Variants in PHF24 observed in about 807,000 individuals in gnomAD.
PHF24 encodes Galpha inhibitory interacting protein.
Under a neutral mutation model 42.6 loss-of-function variants are expected in PHF24, and 25 were observed. That is an observed-to-expected ratio of 0.59 (90% CI 0.43 to 0.82). PHF24 has a LOEUF of 0.82. Among genes scored for constraint, PHF24 ranks in the 40% least tolerant of loss-of-function variants. The pLI is 0.00. For missense variants in PHF24, 470 were observed against 538.1 expected, an observed-to-expected ratio of 0.87 and a Z score of 1.25; for synonymous variants, 185 against 204.8, an observed-to-expected ratio of 0.90 and a Z score of 0.83.
At chr9:34,682,482 T>C in the PHF24 span, among the ~76,000 whole-genome samples, 5 of 152,166 alleles carry the variant, frequency 3.3e-5, no homozygotes, top group Non-Finnish European at 7.3e-5. Context: ...GGTGATATTA[T>C]GTTAGGTGAT....
chr9:34,856,137 C>G, the PHF24 span, among the ~76,000 whole-genome samples: 1 of 152,106 alleles, frequency 6.6e-6, no homozygotes, highest in East Asian at 1.9e-4. Flanking sequence ...AGCTATGTTT[C>G]TCTCTAAGCT....
At chr9:34,821,891 A>G in the PHF24 span, among the ~76,000 whole-genome samples, 1 of 152,210 alleles carries the variant, frequency 6.6e-6, no homozygotes, top group Non-Finnish European at 1.5e-5. Context: ...CTCATACTCA[A>G]TAAGGCCAAA....
At chr9:34,923,065 T>TTA in the PHF24 span, 19 of 434,130 alleles carry the variant, frequency 4.4e-5, no homozygotes, top group African/African-American at 3.1e-4. Flanking sequence ...TTTTTTTTTT[T>TTA]AATCATGAAG....
the PHF24 span, among the ~76,000 whole-genome samples, chr9:34,864,302 A>T: frequency 6.6e-6 from 1 of 152,192 alleles, no homozygotes; most frequent in Non-Finnish European, 1.5e-5. Flanking sequence ...CAAGAAGGTT[A>T]TAGAACACCA....
chr9:34,973,206 T>G (rs1025832695), intron 3 of PHF24, among the ~76,000 whole-genome samples: 7 of 152,150 alleles, frequency 4.6e-5, no homozygotes, highest in African/African-American at 1.7e-4. Flanking sequence ...TCTCTAATAG[T>G]CTATAGTTGT....
chr9:34,885,186 A>G, the PHF24 span, among the ~76,000 whole-genome samples: 3 of 152,214 alleles, frequency 2.0e-5, no homozygotes. Flanking sequence ...TTGGCTCAGT[A>G]GGCCTAGACC....
the PHF24 span, among the ~76,000 whole-genome samples, chr9:34,698,351 A>G: frequency 6.6e-6 from 1 of 152,194 alleles, no homozygotes; most frequent in Non-Finnish European, 1.5e-5. Context: ...AAAAATAGTC[A>G]TCTAGGGCAT....
the PHF24 span, among the ~76,000 whole-genome samples, chr9:34,791,582 T>A: frequency 6.9e-6 from 1 of 143,982 alleles, no homozygotes; most frequent in Non-Finnish European, 1.5e-5. Context: ...AATATAGATT[T>A]AAAAAAAAAA....
the PHF24 span, among the ~76,000 whole-genome samples, chr9:34,789,678 G>T: frequency 1.3e-5 from 2 of 152,288 alleles, no homozygotes; most frequent in South Asian, 4.1e-4. Flanking sequence ...GGTTTCTTAT[G>T]TGTGAAGTAA....
chr9:34,937,038 C>CACCGCCGGGCCAGCCG, the PHF24 span, among the ~76,000 whole-genome samples: 1 of 147,942 alleles, frequency 6.8e-6, no homozygotes, highest in Non-Finnish European at 1.5e-5. Context: ...GGGTCAGCCC[C>CACCGCCGGGCCAGCCG]CCCCCCGGGC....
chr9:34,693,240 T>C, the PHF24 span, among the ~76,000 whole-genome samples: 5 of 152,210 alleles, frequency 3.3e-5, no homozygotes, highest in Admixed American at 2.0e-4. Context: ...TTCACGGCCC[T>C]GCTCTGCTCC....
chr9:34,735,158 C>T, the PHF24 span, among the ~76,000 whole-genome samples: 4 of 117,912 alleles, frequency 3.4e-5, no homozygotes, highest in Admixed American at 3.2e-4. Flanking sequence ...TTTTTTGAGA[C>T]GGAGTCTCAC....
At chr9:34,881,842 A>C in the PHF24 span, among the ~76,000 whole-genome samples, 1 of 152,208 alleles carries the variant, frequency 6.6e-6, no homozygotes, top group African/African-American at 2.4e-5. Context: ...AAAAGAGGGA[A>C]TCCTCCCTAA....
chr9:34,677,673 C>T, the PHF24 span, among the ~76,000 whole-genome samples: 1 of 152,176 alleles, frequency 6.6e-6, no homozygotes, highest in Non-Finnish European at 1.5e-5. Context: ...GCTGGGATTA[C>T]AGGTGTGAGC....
chr9:34,755,230 A>G, the PHF24 span, among the ~76,000 whole-genome samples: 2,407 of 152,300 alleles, frequency 0.016, 59 homozygotes, highest in African/African-American at 0.05. Context: ...TGTAAGACAA[A>G]GGATAAATGC....
At chr9:34,872,295 C>T in the PHF24 span, among the ~76,000 whole-genome samples, 5 of 150,202 alleles carry the variant, frequency 3.3e-5, no homozygotes, top group African/African-American at 9.8e-5. Flanking sequence ...CATGCTGGTG[C>T]GCTGCACCCA....
the PHF24 span, among the ~76,000 whole-genome samples, chr9:34,911,410 C>A: frequency 1.2e-4 from 19 of 152,216 alleles, no homozygotes; most frequent in African/African-American, 4.6e-4. Flanking sequence ...CCCGCCACCA[C>A]GCCTGGATAA....
At chr9:34,918,379 G>A in the PHF24 span, 8 of 655,942 alleles carry the variant, frequency 1.2e-5, no homozygotes, top group Admixed American at 4.5e-5. Flanking sequence ...TGTCCCAATT[G>A]TAACTCGAAG....
At chr9:34,898,614 A>G in the PHF24 span, among the ~76,000 whole-genome samples, 2 of 152,230 alleles carry the variant, frequency 1.3e-5, no homozygotes. Context: ...GTTAACAAAA[A>G]TCAATTAAAA....
Sources: gnomAD v4.1 joint callset for allele counts (sites outside exome capture counted in the v4.1 genomes callset) on GRCh38, gnomAD v4.1.1 for gene constraint, MANE v1.5 for transcripts, NCBI Gene and HGNC (gene_info 2026-07-23, HGNC 2026-07-21) for gene names.